MYO16: variants seen among roughly 807,000 people sequenced by gnomAD.
The protein encoded by MYO16 is unconventional myosin-XVI.
A neutral mutation model predicts 205.3 loss-of-function variants in MYO16; 94 were observed. The observed-to-expected ratio is 0.46, with a 90% confidence interval of 0.39 to 0.54. The LOEUF (loss-of-function observed/expected upper bound fraction) is 0.54, where lower values mean the gene tolerates loss of function less well. Ranked by LOEUF, MYO16 falls within the 20% of genes least tolerant of loss-of-function variation. MYO16 has a pLI of 0.00. For missense variants in MYO16, 2,315 were observed against 2,387.5 expected, an observed-to-expected ratio of 0.97 and a Z score of 0.63; for synonymous variants, 988 against 954.0, an observed-to-expected ratio of 1.04 and a Z score of -0.66.
chr13:108,531,902 G>C, the MYO16 span, among the ~76,000 whole-genome samples: 407 of 152,206 alleles, frequency 2.7e-3, 3 homozygotes, highest in African/African-American at 9.1e-3. Flanking sequence ...ATGTAAAAGA[G>C]TATGAGGTCA....
intron 16 of MYO16, among the ~76,000 whole-genome samples, chr13:108,924,774 T>C (rs1239992474): frequency 6.6e-6 from 1 of 152,166 alleles, no homozygotes; most frequent in African/African-American, 2.4e-5. Context: ...ACTCCTGACG[T>C]CACGTCTTCT....
At chr13:109,147,516 T>C (rs2139823400) in intron 32 of MYO16, among the ~76,000 whole-genome samples, 1 of 152,328 alleles carries the variant, frequency 6.6e-6, no homozygotes, top group Non-Finnish European at 1.5e-5. Context: ...GACATTAGTC[T>C]GCCTTATGCA....
At chr13:109,192,697 G>A (rs1879974744) in intron 34 of MYO16, among the ~76,000 whole-genome samples, 2 of 152,126 alleles carry the variant, frequency 1.3e-5, no homozygotes, top group South Asian at 4.1e-4. Flanking sequence ...ACCCAAAGCT[G>A]GATACAGAAT....
At chr13:108,797,053 G>T (rs1355210231) in intron 6 of MYO16, among the ~76,000 whole-genome samples, 1 of 152,142 alleles carries the variant, frequency 6.6e-6, no homozygotes, top group Non-Finnish European at 1.5e-5. Flanking sequence ...GACAACAGGG[G>T]TAGAATGGTA....
intron 33 of MYO16, among the ~76,000 whole-genome samples, chr13:109,170,313 T>G (rs1049333338): frequency 6.6e-6 from 1 of 151,876 alleles, no homozygotes; most frequent in Admixed American, 6.6e-5. Context: ...ACTAGAGAAA[T>G]GTAACTGAAG....
the MYO16 span, among the ~76,000 whole-genome samples, chr13:108,576,095 G>A: frequency 6.6e-6 from 1 of 152,126 alleles, no homozygotes; most frequent in Non-Finnish European, 1.5e-5. Context: ...ATTTGAACAC[G>A]TAAGTCATGC....
chr13:109,054,839 G>A (rs1177119862), intron 25 of MYO16, among the ~76,000 whole-genome samples: 1 of 151,970 alleles, frequency 6.6e-6, no homozygotes, highest in Non-Finnish European at 1.5e-5. Context: ...CTGAAATTTA[G>A]TAAAATAAAT....
chr13:108,618,180 C>T (rs1484513805), intron 1 of MYO16, among the ~76,000 whole-genome samples: 1 of 152,160 alleles, frequency 6.6e-6, no homozygotes, highest in East Asian at 1.9e-4. Flanking sequence ...CAGAGCATCA[C>T]GATTTAACTC....
At chr13:108,918,965 A>T (rs1223953572) in intron 16 of MYO16, among the ~76,000 whole-genome samples, 1 of 109,930 alleles carries the variant, frequency 9.1e-6, no homozygotes, top group African/African-American at 3.6e-5. Flanking sequence ...AAAAAAAAAA[A>T]AAAAAACTTA....
At chr13:108,543,769 T>A in the MYO16 span, among the ~76,000 whole-genome samples, 1 of 130,358 alleles carries the variant, frequency 7.7e-6, no homozygotes. Context: ...ATCACACACT[T>A]AAAGAGCATG....
intron 7 of MYO16, among the ~76,000 whole-genome samples, chr13:108,816,413 C>CCT (rs66898812): frequency 1.6e-4 from 1 of 6,136 alleles, no homozygotes. Context: ...TGAAGTAGCG[C>CCT]CCCCCACCCA....
chr13:108,611,880 C>G (rs77422462), intron 1 of MYO16, among the ~76,000 whole-genome samples: 1,835 of 149,538 alleles, frequency 0.012, 44 homozygotes, highest in South Asian at 0.087. Context: ...GAGCATGAAA[C>G]AGAAACAACT....
At chr13:109,198,126 A>G (rs1055458072) in intron 34 of MYO16, among the ~76,000 whole-genome samples, 1 of 152,192 alleles carries the variant, frequency 6.6e-6, no homozygotes, top group Non-Finnish European at 1.5e-5. Context: ...ATTAACCTAC[A>G]ACAGTATAAA....
chr13:109,026,052 A>C (rs1406910656), intron 23 of MYO16, among the ~76,000 whole-genome samples: 1 of 152,156 alleles, frequency 6.6e-6, no homozygotes, highest in Non-Finnish European at 1.5e-5. Flanking sequence ...ATTGGCCTGA[A>C]TGGTTTATAG....
Position 108,830,366 on chromosome 13 carries a change from T to C in MYO16, c.1097+7088T>C, listed in dbSNP as rs1356534302. On this transcript the variant is annotated intron_variant, in intron 9 of 34. Coordinates refer to ENST00000457511, the MANE Select transcript of MYO16 (RefSeq NM_001198950.3). The stretch of plus-strand genomic sequence containing the variant: ...CAAAGACCTGGAACCAACCCAAATG[T>C]CCAACAATGATAGACTGGATTAACA... Among the ~76,000 whole-genome samples the C allele has an allele frequency of 3.5e-4, 51 of 143,762 alleles. 1 individual carries two copies. The highest frequency in any genetic ancestry group is 6.1e-4 in the Non-Finnish European group (40 of 65,236). 94.3% of individuals were successfully genotyped at this position (143,762 alleles called of 152,430 possible). A position where few individuals can be genotyped will look rare whatever the true frequency, so the allele number is the denominator to read the frequency against.
chr13:109,141,424 T>C lies in MYO16; in HGVS notation c.5164+48T>C. On this transcript the variant is annotated intron_variant, in intron 32 of 34. Coordinates refer to ENST00000457511, the MANE Select transcript of MYO16 (RefSeq NM_001198950.3). The surrounding 1 kb of genome is among the most constrained non-coding windows in gnomAD (Gnocchi z 4.1). ...CACTCCTTTTGCATGGACGCTGTGCTTGCGTGCACCTGTGTACATCCGTGT... is the reference window on the plus strand; with the variant it reads ...CACTCCTTTTGCATGGACGCTGTGCCTGCGTGCACCTGTGTACATCCGTGT... 5 of 1,222,596 alleles carry C rather than the reference T, an allele frequency of 4.1e-6. No homozygotes were observed. Among genetic ancestry groups the C allele is most frequent in the Non-Finnish European group, 5.5e-6 (5 of 910,648 alleles). The allele number at this position is 1,222,596 out of a possible 1,614,324, so 75.7% of individuals were successfully genotyped here.
chr13:108,821,061 A>G (rs1875942979), intron 8 of MYO16, among the ~76,000 whole-genome samples: 1 of 151,484 alleles, frequency 6.6e-6, no homozygotes, highest in Non-Finnish European at 1.5e-5. Context: ...TGCAATAGTA[A>G]AAAGAGTTCT....
Position 108,820,378 on chromosome 13 carries a change from A to C in MYO16, c.909A>C (p.Pro303=). ...TTCTCCTGATGCATCAGGCAAACCC[A>C]CACCTCGTGAACTGTAATGAGGAGA... is the stretch of plus-strand genomic sequence containing the variant. ...VKLLLMHQAN[P]HLVNCNEEKA... The change falls in exon 8 of 35, where the codon CCA becomes CCC. Residue 303 remains proline (P), a synonymous_variant. Transcript: ENST00000457511. The C allele has an allele frequency of 1.9e-6, 3 of 1,607,218 alleles. No homozygotes were observed. The East Asian group carries it at 6.8e-5, about 36-fold the overall frequency.
intron 1 of MYO16, among the ~76,000 whole-genome samples, chr13:108,640,480 T>C (rs1566522174): frequency 6.6e-6 from 1 of 152,142 alleles, no homozygotes; most frequent in South Asian, 2.1e-4. Context: ...GGGCAGTTGG[T>C]GGAGGAGGTT....
Sources: allele counts gnomAD v4.1 joint callset (sites outside exome capture counted in the v4.1 genomes callset), GRCh38; gene constraint gnomAD v4.1.1; non-coding constraint Gnocchi (gnomAD v3.1); transcripts MANE v1.5; gene names NCBI Gene and HGNC (gene_info 2026-07-23, HGNC 2026-07-21).